The following PRKN variants were observed in gnomAD, a reference collection of about 807,000 sequenced individuals.
PRKN encodes the protein E3 ubiquitin-protein ligase parkin.
A neutral mutation model predicts 59.5 loss-of-function variants in PRKN; 56 were observed. The ratio of observed to expected loss-of-function variants is 0.94; its 90% CI spans 0.76 to 1.18. The LOEUF is 1.18. Among genes scored for constraint, PRKN ranks in the 50% most tolerant of loss-of-function variants. PRKN has a pLI of 0.00. For missense variants in PRKN, 657 were observed against 596.4 expected (o/e 1.10, Z -1.06); for synonymous variants, 250 against 222.1 (o/e 1.13, Z -1.12).
intron 4 of PRKN, among the ~76,000 whole-genome samples, chr6:162,091,045 AATATC>A (rs1779473842): frequency 6.6e-6 from 1 of 152,110 alleles, no homozygotes; most frequent in Non-Finnish European, 1.5e-5. Flanking sequence ...GACCTCTTGA[AATATC>A]ATTCATATTA....
At chr6:161,743,025 G>A (rs1788252729) in intron 7 of PRKN, among the ~76,000 whole-genome samples, 1 of 152,078 alleles carries the variant, frequency 6.6e-6, no homozygotes, top group South Asian at 2.1e-4. Context: ...ACTCTAAGAA[G>A]CATCAGTCCC....
chr6:162,091,711 A>G (rs1345087623), intron 4 of PRKN, among the ~76,000 whole-genome samples: 1 of 152,182 alleles, frequency 6.6e-6, no homozygotes, highest in Non-Finnish European at 1.5e-5. Flanking sequence ...CATATTGTGT[A>G]GCACTATGTT....
Position 161,470,343 on chromosome 6 carries a change from C to G in PRKN, c.1083+78511G>C, listed in dbSNP as rs931148666. Among the ~76,000 whole-genome samples the G allele has an allele frequency of 1.3e-5, 2 of 152,192 alleles. No individual in the cohort carries two copies. Among genetic ancestry groups the G allele is most frequent in the East Asian group, 3.9e-4 (2 of 5,192 alleles). On this transcript the variant is annotated intron_variant, in intron 9 of 11. Coordinates refer to ENST00000366898, the MANE Select transcript of PRKN (RefSeq NM_004562.3). This position sits in a 1 kb window ranked among gnomAD's most constrained non-coding sequence, Gnocchi z 5.1. Reference sequence around the variant, plus strand: ...CATTCCCCTCTTCAACGGCTCTACCCAGTGCTCATCACTCTTCTGCTGGAG... The same window carrying G: ...CATTCCCCTCTTCAACGGCTCTACCGAGTGCTCATCACTCTTCTGCTGGAG...
chr6:162,352,466 T>C (rs1784663821), intron 2 of PRKN, among the ~76,000 whole-genome samples: 1 of 152,186 alleles, frequency 6.6e-6, no homozygotes, highest in Non-Finnish European at 1.5e-5. Context: ...AGCGCTGTTT[T>C]AGAAAAGATA....
At chr6:161,621,827 G>C (rs1782911826) in intron 7 of PRKN, among the ~76,000 whole-genome samples, 1 of 152,154 alleles carries the variant, frequency 6.6e-6, no homozygotes, top group African/African-American at 2.4e-5. Flanking sequence ...GGAGGAAGGA[G>C]ACGTGCTCTA....
intron 7 of PRKN, among the ~76,000 whole-genome samples, chr6:161,761,324 TGGATGGATGGA>T (rs963970489): frequency 2.6e-5 from 4 of 152,150 alleles, no homozygotes; most frequent in African/African-American, 9.7e-5. Context: ...GTGCAGTGGA[TGGATGGATGGA>T]TGATGGATGA....
At chr6:162,301,102 A>G (rs1781928055) in intron 2 of PRKN, among the ~76,000 whole-genome samples, 1 of 152,096 alleles carries the variant, frequency 6.6e-6, no homozygotes. Flanking sequence ...GTATACACAT[A>G]TATCAACATA....
chr6:162,448,233 C>T (rs1385615935), intron 1 of PRKN, among the ~76,000 whole-genome samples: 1 of 152,082 alleles, frequency 6.6e-6, no homozygotes, highest in Non-Finnish European at 1.5e-5. Flanking sequence ...TTCCAAATGT[C>T]CCTTGCCTGG....
chr6:162,458,135 TC>T lies in PRKN; in HGVS notation c.8-14663del, dbSNP rs200473459. On this transcript the variant is annotated intron_variant, in intron 1 of 11. Transcript: ENST00000366898. ...CAGGCGTGGTGGCACACACCTGTAA[TC>T]CCCAGCTACTTAGGAGGCTGAGACA... Among the ~76,000 whole-genome samples, 1,017 of 126,704 alleles carry T rather than the reference TC, an allele frequency of 8.0e-3. 26 individuals are homozygous for T. Among genetic ancestry groups the T allele is most frequent in the Non-Finnish European group, 0.013 (711 of 53,098 alleles). The allele number at this position is 126,704 out of a possible 152,430, so 83.1% of individuals were successfully genotyped here.
At position 161,529,676 on chromosome 6, in the gene PRKN, T is replaced by C. The variant is rs1399767679; in HGVS notation, c.1083+19178A>G. On this transcript the variant is annotated intron_variant, in intron 9 of 11. Transcript: ENST00000366898. This position sits in a 1 kb window ranked among gnomAD's most constrained non-coding sequence, Gnocchi z 4.4. The stretch of plus-strand genomic sequence containing the variant: ...CTGTTTTGGAAGAAGCTGTCCTACA[T>C]ATAAGTTGTCTTCTGCAAAATAAGA... 2.0e-5 allele frequency among the ~76,000 whole-genome samples: 3 copies of C among 152,214 alleles called. No individual in the cohort carries two copies. The highest frequency in any genetic ancestry group is 7.2e-5 in the African/African-American group (3 of 41,444).
chr6:161,555,090 A>C (rs1780185723), intron 8 of PRKN, among the ~76,000 whole-genome samples: 1 of 152,038 alleles, frequency 6.6e-6, no homozygotes, highest in Non-Finnish European at 1.5e-5. Flanking sequence ...CATATATTGG[A>C]TCTTCTTTAC....
chr6:162,645,482 T>C (rs1778132662), intron 1 of PRKN, among the ~76,000 whole-genome samples: 3 of 152,188 alleles, frequency 2.0e-5, no homozygotes, highest in African/African-American at 7.2e-5. Context: ...AGCTCTTCTT[T>C]CATAGAGTTT....
intron 1 of PRKN, among the ~76,000 whole-genome samples, chr6:162,447,766 C>T (rs1396545798): frequency 6.6e-6 from 1 of 152,086 alleles, no homozygotes; most frequent in African/African-American, 2.4e-5. Flanking sequence ...CTCAAGCAGC[C>T]ATTCCGCCTC....
At chr6:161,787,610 T>C (rs1259520555) in intron 6 of PRKN, among the ~76,000 whole-genome samples, 3 of 152,214 alleles carry the variant, frequency 2.0e-5, no homozygotes, top group African/African-American at 7.2e-5. Context: ...GAGAAAATAT[T>C]AGAACATTTA....
rs377743756 is a variant in PRKN at position 161,751,434 on chromosome 6, A to G, written c.871+34338T>C. On this transcript the variant is annotated intron_variant, in intron 7 of 11. Coordinates refer to ENST00000366898, the MANE Select transcript of PRKN (RefSeq NM_004562.3). ...AATTCACATAATAGCTTGGTTTGTT[A>G]TCTTGCACTAAATCTGTACTACATT... Among the ~76,000 whole-genome samples, 4 of 152,222 alleles carry G rather than the reference A, an allele frequency of 2.6e-5. No individual in the cohort carries two copies. In the East Asian group the frequency reaches 7.7e-4, roughly 29 times the overall value.
intron 9 of PRKN, among the ~76,000 whole-genome samples, chr6:161,519,200 AGAG>A (rs71880419): frequency 0.071 from 10,838 of 151,918 alleles, 492 homozygotes; most frequent in African/African-American, 0.13. Flanking sequence ...TAGGGAGGAG[AGAG>A]GAGGTTTGTG....
chr6:162,548,391 T>G lies in PRKN; in HGVS notation c.8-104918A>C, dbSNP rs1294712303. Among the ~76,000 whole-genome samples the G allele has an allele frequency of 2.6e-5, 4 of 152,060 alleles. No homozygotes were observed. The East Asian group carries it at 7.7e-4, about 29-fold the overall frequency. ...ATAGTTTTTTAAACATTCAGAAAAA[T>G]GTGAATGCATACTTAGGTTTCTGCC... On this transcript the variant is annotated intron_variant, in intron 1 of 11. Transcript: ENST00000366898.
intron 6 of PRKN, among the ~76,000 whole-genome samples, chr6:161,807,008 G>A (rs1381741920): frequency 6.6e-6 from 1 of 152,104 alleles, no homozygotes; most frequent in African/African-American, 2.4e-5. Flanking sequence ...TTTCCAAAAA[G>A]GTTGTCTTCA....
chr6:161,543,536 T>C (rs1779691837), intron 9 of PRKN, among the ~76,000 whole-genome samples: 1 of 152,218 alleles, frequency 6.6e-6, no homozygotes. Flanking sequence ...ATGGTGTTTG[T>C]TTAAGGACAG....
Sources: gnomAD v4.1 joint callset for allele counts (sites outside exome capture counted in the v4.1 genomes callset) on GRCh38, gnomAD v4.1.1 for gene constraint, Gnocchi (gnomAD v3.1) non-coding constraint, MANE v1.5 for transcripts, NCBI Gene and HGNC (gene_info 2026-07-23, HGNC 2026-07-21) for gene names.